Variants in BPIFC observed in about 807,000 individuals in gnomAD.
The protein encoded by BPIFC is BPI fold containing family C.
BPIFC carries 60 observed loss-of-function variants against 57.6 expected under a neutral mutation model. The observed-to-expected ratio is 1.04, with a 90% CI of 0.85 to 1.29. BPIFC has a LOEUF of 1.29. BPIFC is among the 50% of genes most tolerant of loss of function. The pLI is 0.00. For missense variants in BPIFC, 581 were observed against 600.5 expected (o/e 0.97, Z 0.34); for synonymous variants, 243 against 224.5 (o/e 1.08, Z -0.74).
At chr22:32,423,845 G>A (rs1601445977) in intron 13 of BPIFC, among the ~76,000 whole-genome samples, 1 of 151,990 alleles carries the variant, frequency 6.6e-6, no homozygotes, top group East Asian at 1.9e-4. Context: ...TCTAAAATAT[G>A]TCTACTATGT....
intron 9 of BPIFC, among the ~76,000 whole-genome samples, chr22:32,437,215 G>A (rs548943594): frequency 6.6e-6 from 1 of 152,344 alleles, no homozygotes; most frequent in Non-Finnish European, 1.5e-5. Context: ...CTCCTGAAGA[G>A]GGCAGACATA....
chr22:32,428,132 C>A (rs918125650), intron 13 of BPIFC, among the ~76,000 whole-genome samples: 20 of 151,894 alleles, frequency 1.3e-4, no homozygotes, highest in Admixed American at 1.1e-3. Flanking sequence ...CTTTGGGGAC[C>A]TTTCTTCTGT....
At chr22:32,448,532 A>G (rs1934797734) in intron 4 of BPIFC, among the ~76,000 whole-genome samples, 1 of 152,170 alleles carries the variant, frequency 6.6e-6, no homozygotes. Context: ...TTGCTAGTGG[A>G]GAAACTTAGA....
At chr22:32,433,863 T>C (rs1469682453) in intron 10 of BPIFC, 91 bp from the exon 11 acceptor site, 19 of 1,102,884 alleles carry the variant, frequency 1.7e-5, no homozygotes, top group Non-Finnish European at 2.6e-5. Context: ...TTTGACGAAT[T>C]GTGAAGCTGT....
At chr22:32,447,043 C>G (rs1934749163) in intron 5 of BPIFC, among the ~76,000 whole-genome samples, 169 bp downstream of exon 5, 1 of 152,186 alleles carries the variant, frequency 6.6e-6, no homozygotes, top group South Asian at 2.1e-4. Context: ...CAAAACCCCC[C>G]AGTAGGATTT....
rs35716277 is a variant in BPIFC at position 32,462,168 on chromosome 22, CAAAAAAAAAAAA to C, written c.-88-519_-88-508del. 5.6e-5 allele frequency among the ~76,000 whole-genome samples: 3 copies of C among 53,608 alleles called. 1 individual carries two copies. The highest frequency in any genetic ancestry group is 2.5e-3 in the South Asian group (2 of 796). The allele number at this position is 53,608 out of a possible 152,430, so 35.2% of individuals were successfully genotyped here. On this transcript the variant is annotated intron_variant, in intron 1 of 16. Transcript: ENST00000300399. ...CTGGCGACAGAGCGAGACTCCATCT[CAAAAAAAAAAAA>C]AAAAAAAAAAGAAAAAAGAAAAAAA...
intron 4 of BPIFC, among the ~76,000 whole-genome samples, chr22:32,448,218 G>A (rs1934786643): frequency 6.6e-6 from 1 of 152,036 alleles, no homozygotes; most frequent in South Asian, 2.1e-4. Flanking sequence ...ACAGGCGCAT[G>A]CCACCACACC....
At chr22:32,454,343 G>A (rs569758107) in intron 3 of BPIFC, among the ~76,000 whole-genome samples, 18 of 152,186 alleles carry the variant, frequency 1.2e-4, no homozygotes, top group South Asian at 2.1e-4. Flanking sequence ...TGGGTGAGTC[G>A]TGTGTGCATA....
intron 13 of BPIFC, among the ~76,000 whole-genome samples, chr22:32,429,608 C>G (rs1437409790): frequency 6.6e-6 from 1 of 151,080 alleles, no homozygotes; most frequent in Non-Finnish European, 1.5e-5. Context: ...CCTCCACCTC[C>G]CGGCTTCAAG....
At chr22:32,415,808 A>G in intron 16 of BPIFC, 107 bp downstream of exon 16, 1 of 728,564 alleles carries the variant, frequency 1.4e-6, no homozygotes, top group South Asian at 2.3e-5. Flanking sequence ...GAAAAAGCAA[A>G]GCAGGACAAA....
intron 13 of BPIFC, among the ~76,000 whole-genome samples, chr22:32,429,179 C>T (rs901716798): frequency 1.3e-5 from 2 of 151,876 alleles, no homozygotes; most frequent in African/African-American, 4.8e-5. Context: ...TTCTTGAAAA[C>T]ATTTTCCATG....
chr22:32,439,126 G>A (rs952274788), intron 8 of BPIFC, among the ~76,000 whole-genome samples: 9 of 152,062 alleles, frequency 5.9e-5, no homozygotes, highest in African/African-American at 2.2e-4. Context: ...AGGAGTTTGA[G>A]ACCAGCCTGA....
chr22:32,434,321 C>A (rs1934332011), intron 10 of BPIFC, among the ~76,000 whole-genome samples: 3 of 146,776 alleles, frequency 2.0e-5, no homozygotes, highest in African/African-American at 7.5e-5. Context: ...ATATATTACA[C>A]TCTGTGTACA....
In BPIFC at chr22:32,437,825, G is replaced by C. The variant is rs906095298; in HGVS notation, c.682C>G (p.Leu228Val). 5 of 1,611,534 alleles carry C rather than the reference G, an allele frequency of 3.1e-6. No homozygotes were observed. The highest frequency in any genetic ancestry group is 4.2e-6 in the Non-Finnish European group (5 of 1,177,954). The change falls in exon 9 of 17, where the codon CTG becomes GTG. Residue 228 changes from leucine to valine, a missense_variant. Coordinates refer to ENST00000300399, the MANE Select transcript of BPIFC (RefSeq NM_174932.3). Reference protein sequence around the residue: ...EVLTKIDNYTLLDYSLISSPE... With the variant: ...EVLTKIDNYTVLDYSLISSPE... ...GAACTGATTAGGGAGTAATCCAGCA[G>C]AGTGTAGTTGTCAATCTTGGTTAAA...
At chr22:32,416,064 C>CT in intron 15 of BPIFC, 73 bp from the exon 16 acceptor site, 2 of 828,730 alleles carry the variant, frequency 2.4e-6, no homozygotes, top group Non-Finnish European at 3.6e-6. Context: ...TAGTAAGAGA[C>CT]TGACTGACAG....
intron 12 of BPIFC, 46 bp from the exon 13 acceptor site, chr22:32,431,460 T>G: frequency 1.4e-6 from 2 of 1,384,016 alleles, no homozygotes; most frequent in Admixed American, 3.5e-5. Flanking sequence ...TGAGTGTCAA[T>G]TTTGGCCATC....
At position 32,452,375 on chromosome 22, in the gene BPIFC, G is replaced by A. The variant is rs571399620; in HGVS notation, c.245+1008C>T. On this transcript the variant is annotated intron_variant, in intron 4 of 16. Transcript: ENST00000300399. Reference sequence around the variant, plus strand: ...TTTTGGGCTGGGCGTGGTGGCTCACGCCTGTAATCCCAGCACTTTGGGAGG... The same window carrying A: ...TTTTGGGCTGGGCGTGGTGGCTCACACCTGTAATCCCAGCACTTTGGGAGG... Among the ~76,000 whole-genome samples, 10 of 152,256 alleles carry A rather than the reference G, an allele frequency of 6.6e-5. No individual in the cohort carries two copies. The South Asian group carries it at 8.3e-4, about 13-fold the overall frequency.
chr22:32,452,166 G>T lies in BPIFC; in HGVS notation c.245+1217C>A, dbSNP rs60347201. Reference sequence around the variant, plus strand: ...ATCCTCCCACCTCGGCCTCCCAAAGGGTTGGGATTACACGTGTGAGCCACT... The same window carrying T: ...ATCCTCCCACCTCGGCCTCCCAAAGTGTTGGGATTACACGTGTGAGCCACT... On this transcript the variant is annotated intron_variant, in intron 4 of 16. Coordinates refer to ENST00000300399, the MANE Select transcript of BPIFC (RefSeq NM_174932.3). Among the ~76,000 whole-genome samples the T allele has an allele frequency of 1.6e-3, 247 of 152,258 alleles. 2 individuals carry two copies. The highest frequency in any genetic ancestry group is 5.7e-3 in the African/African-American group (235 of 41,562).
intron 16 of BPIFC, among the ~76,000 whole-genome samples, chr22:32,414,727 T>C (rs1026060492): frequency 1.2e-4 from 19 of 152,206 alleles, no homozygotes; most frequent in South Asian, 6.2e-4. Context: ...TTGGCCAGGC[T>C]GGTCTCGAAC....
Sources: gnomAD v4.1 joint callset for allele counts (sites outside exome capture counted in the v4.1 genomes callset) on GRCh38, gnomAD v4.1.1 for gene constraint, MANE v1.5 for transcripts, NCBI Gene and HGNC (gene_info 2026-07-23, HGNC 2026-07-21) for gene names.